KCNH7: variants seen among roughly 807,000 people sequenced by gnomAD.
KCNH7 encodes potassium voltage-gated channel subfamily H member 7.
A neutral mutation model predicts 120.8 loss-of-function variants in KCNH7; 49 were observed. The observed-to-expected ratio is 0.41, with a 90% CI of 0.32 to 0.51. KCNH7 has a LOEUF of 0.51. KCNH7 is among the 20% of genes least tolerant of loss of function. KCNH7 has a pLI of 0.38. For missense variants in KCNH7, 1,097 were observed against 1,446.6 expected, an observed-to-expected ratio of 0.76 and a Z score of 3.92; for synonymous variants, 547 against 516.1, an observed-to-expected ratio of 1.06 and a Z score of -0.81.
At chr2:162,602,942 G>T (rs2105955627) in intron 2 of KCNH7, among the ~76,000 whole-genome samples, 1 of 150,924 alleles carries the variant, frequency 6.6e-6, no homozygotes, top group East Asian at 1.9e-4. Flanking sequence ...AGGTTGAGCT[G>T]GAGGACTTTT....
chr2:162,775,359 C>T (rs932948340), intron 2 of KCNH7, among the ~76,000 whole-genome samples: 1 of 152,060 alleles, frequency 6.6e-6, no homozygotes, highest in Admixed American at 6.6e-5. Flanking sequence ...TTCTTTGTTG[C>T]ACAAAATACT....
intron 2 of KCNH7, among the ~76,000 whole-genome samples, chr2:162,793,287 G>A (rs372280714): frequency 3.3e-5 from 5 of 152,008 alleles, no homozygotes; most frequent in South Asian, 4.1e-4. Flanking sequence ...CACACACTGG[G>A]ACCTATTGGA....
intron 2 of KCNH7, among the ~76,000 whole-genome samples, chr2:162,695,024 A>G (rs979879899): frequency 4.6e-5 from 7 of 152,084 alleles, no homozygotes; most frequent in Non-Finnish European, 8.8e-5. Context: ...TACAGGTGTG[A>G]GAAAGTGCTG....
intron 9 of KCNH7, among the ~76,000 whole-genome samples, chr2:162,413,868 C>T (rs1376204391): frequency 4.6e-5 from 7 of 151,078 alleles, no homozygotes; most frequent in Admixed American, 4.6e-4. Flanking sequence ...GATCATATTA[C>T]AATATAAAAA....
chr2:162,373,878 TAA>T (rs1176674424), intron 14 of KCNH7, among the ~76,000 whole-genome samples: 2 of 152,238 alleles, frequency 1.3e-5, no homozygotes, highest in Non-Finnish European at 2.9e-5. Context: ...CTGTTCATAT[TAA>T]GAGTTAACAG....
At chr2:162,421,617 T>C (rs1428570870) in intron 9 of KCNH7, among the ~76,000 whole-genome samples, 2 of 152,204 alleles carry the variant, frequency 1.3e-5, no homozygotes, top group African/African-American at 2.4e-5. Context: ...AAATACCTCC[T>C]GTTCTTACCG....
intron 2 of KCNH7, among the ~76,000 whole-genome samples, chr2:162,569,711 T>G (rs961056676): frequency 6.6e-6 from 1 of 152,086 alleles, no homozygotes; most frequent in Non-Finnish European, 1.5e-5. Context: ...ATGCATCCCA[T>G]AGATTCTGGT....
rs60201823 is a variant in KCNH7 at position 162,601,399 on chromosome 2, C to CTTTTTTTTT, written c.308-64328_308-64320dup. On this transcript the variant is annotated intron_variant, in intron 2 of 15. Coordinates refer to ENST00000332142, the MANE Select transcript of KCNH7 (RefSeq NM_033272.4). The stretch of plus-strand genomic sequence containing the variant: ...AAATTTTAAAAAAGTACTTCTTGTG[C>CTTTTTTTTT]TTTTTTTTTTTTTTTTTTTTTTTTT... Among the ~76,000 whole-genome samples the CTTTTTTTTT allele has an allele frequency of 7.1e-3, 68 of 9,586 alleles. 9 individuals carry two copies. The highest frequency in any genetic ancestry group is 0.014 in the African/African-American group (26 of 1,896). 6.3% of individuals were successfully genotyped at this position (9,586 alleles called of 152,430 possible). A position where few individuals can be genotyped will look rare whatever the true frequency, so the allele number is the denominator to read the frequency against.
chr2:162,566,275 C>T (rs1279693014), intron 2 of KCNH7, among the ~76,000 whole-genome samples: 1 of 152,028 alleles, frequency 6.6e-6, no homozygotes, highest in Non-Finnish European at 1.5e-5. Flanking sequence ...GGCTTAACAT[C>T]TTTTATAAAA....
At chr2:162,775,302 T>C (rs548612813) in intron 2 of KCNH7, among the ~76,000 whole-genome samples, 1 of 152,376 alleles carries the variant, frequency 6.6e-6, no homozygotes. Context: ...CTTTGTATTA[T>C]ACATAATGTA....
chr2:162,440,049 T>C (rs112978878), intron 7 of KCNH7, among the ~76,000 whole-genome samples: 42 of 151,836 alleles, frequency 2.8e-4, no homozygotes, highest in African/African-American at 9.2e-4. Flanking sequence ...ATAAATTGTC[T>C]ACAGTTAAAT....
intron 2 of KCNH7, among the ~76,000 whole-genome samples, chr2:162,819,842 T>A (rs1685045807): frequency 6.6e-6 from 1 of 152,140 alleles, no homozygotes; most frequent in Non-Finnish European, 1.5e-5. Context: ...TAATTCCGAA[T>A]GAAAGCCTAT....
At chr2:162,681,110 T>C (rs1685695118) in intron 2 of KCNH7, among the ~76,000 whole-genome samples, 1 of 149,654 alleles carries the variant, frequency 6.7e-6, no homozygotes. Context: ...TCTGAGAATT[T>C]TTAATTTGTG....
intron 6 of KCNH7, among the ~76,000 whole-genome samples, chr2:162,493,609 T>C (rs1231478892): frequency 2.0e-5 from 3 of 152,292 alleles, no homozygotes; most frequent in Admixed American, 6.5e-5. Context: ...ATTAACCACG[T>C]CACTAACTAT....
At chr2:162,745,834 AT>A (rs1274423473) in intron 2 of KCNH7, among the ~76,000 whole-genome samples, 3 of 152,046 alleles carry the variant, frequency 2.0e-5, no homozygotes, top group Non-Finnish European at 4.4e-5. Context: ...TTTAAAAAAA[AT>A]CTTTCTGCTT....
chr2:162,471,533 G>C (rs920485031), intron 6 of KCNH7, among the ~76,000 whole-genome samples: 9 of 152,110 alleles, frequency 5.9e-5, no homozygotes, highest in African/African-American at 2.2e-4. Flanking sequence ...CCTTACAAGG[G>C]ATGTGAAGGA....
intron 2 of KCNH7, among the ~76,000 whole-genome samples, chr2:162,698,069 A>G (rs1005530248): frequency 6.6e-6 from 1 of 152,164 alleles, no homozygotes; most frequent in Non-Finnish European, 1.5e-5. Context: ...TTGATACAGG[A>G]AGACTAAATT....
intron 2 of KCNH7, among the ~76,000 whole-genome samples, chr2:162,752,904 A>AG (rs1688613360): frequency 3.9e-5 from 2 of 50,928 alleles, no homozygotes; most frequent in Admixed American, 1.8e-4. Context: ...ACATCTCAGA[A>AG]AAAGAAAAGA....
At chr2:162,793,128 G>A (rs1161807055) in intron 2 of KCNH7, among the ~76,000 whole-genome samples, 1 of 151,984 alleles carries the variant, frequency 6.6e-6, no homozygotes. Flanking sequence ...AAAAAGGAAT[G>A]AGATCACGTA....
Sources: allele counts gnomAD v4.1 joint callset (sites outside exome capture counted in the v4.1 genomes callset), GRCh38; gene constraint gnomAD v4.1.1; transcripts MANE v1.5; gene names NCBI Gene and HGNC (gene_info 2026-07-23, HGNC 2026-07-21).